MAGI1: variants seen among roughly 807,000 people sequenced by gnomAD.
MAGI1 encodes membrane-associated guanylate kinase, WW and PDZ domain-containing protein 1.
Under a neutral mutation model 139.9 loss-of-function variants are expected in MAGI1, and 58 were observed. The observed-to-expected ratio is 0.41, with a 90% CI of 0.34 to 0.52. The LOEUF (loss-of-function observed/expected upper bound fraction) is 0.52, where lower values mean the gene tolerates loss of function less well. MAGI1 is among the 20% of genes least tolerant of loss of function. The pLI is 0.12. For synonymous variants in MAGI1, 812 were observed against 737.9 expected (o/e 1.10, Z -1.63); for missense variants, 1,874 against 1,901.6 (o/e 0.99, Z 0.27).
Position 65,849,001 on chromosome 3 carries a change from C to CTTTT in MAGI1, c.313+188991_313+188994dup, listed in dbSNP as rs558270441. On this transcript the variant is annotated intron_variant, in intron 1 of 22. Coordinates refer to ENST00000402939, the MANE Select transcript of MAGI1 (RefSeq NM_001033057.2). The stretch of plus-strand genomic sequence containing the variant: ...GCAGCTCAAGACTATTCAGAGCATT[C>CTTTT]TTTTTTTTTTTTTTTTTTTTTTTTT... 5.0e-4 allele frequency among the ~76,000 whole-genome samples: 20 copies of CTTTT among 39,644 alleles called. 6 individuals are homozygous for CTTTT. Among genetic ancestry groups the CTTTT allele is most frequent in the Non-Finnish European group, 7.4e-4 (16 of 21,510 alleles). The allele number at this position is 39,644 out of a possible 152,430, so 26.0% of individuals were successfully genotyped here. A position where few individuals can be genotyped will look rare whatever the true frequency, so the allele number is the denominator to read the frequency against.
intron 1 of MAGI1, among the ~76,000 whole-genome samples, chr3:65,632,169 T>C (rs1289075903): frequency 6.6e-6 from 1 of 152,242 alleles, no homozygotes. Context: ...TTAAAGGTTC[T>C]TGATAAATAC....
At chr3:65,734,693 A>T (rs2034559563) in intron 1 of MAGI1, among the ~76,000 whole-genome samples, 1 of 152,084 alleles carries the variant, frequency 6.6e-6, no homozygotes, top group Non-Finnish European at 1.5e-5. Context: ...ACACAAATAT[A>T]TGACTGCTGA....
intron 1 of MAGI1, among the ~76,000 whole-genome samples, chr3:65,692,760 G>C (rs1337199212): frequency 6.6e-6 from 1 of 152,102 alleles, no homozygotes; most frequent in Non-Finnish European, 1.5e-5. Context: ...ATGAGACTGA[G>C]TCTGTTACAA....
chr3:65,413,732 G>A (rs1559534092), intron 12 of MAGI1, among the ~76,000 whole-genome samples: 2 of 152,110 alleles, frequency 1.3e-5, no homozygotes, highest in Non-Finnish European at 2.9e-5. Context: ...GTACCAATTG[G>A]ATTTGCTTAA....
intron 1 of MAGI1, among the ~76,000 whole-genome samples, chr3:65,778,445 T>TAAAA (rs2038655677): frequency 8.5e-6 from 1 of 118,160 alleles, no homozygotes; most frequent in African/African-American, 3.3e-5. Flanking sequence ...AAAAAAAAAA[T>TAAAA]AAATAAATAA....
At chr3:65,860,205 A>G (rs2036075) in intron 1 of MAGI1, among the ~76,000 whole-genome samples, 39,652 of 151,906 alleles carry the variant, frequency 0.26, 5,420 homozygotes, top group Admixed American at 0.39. Flanking sequence ...CTAATCAGGT[A>G]TTTTTTCTAT....
At chr3:65,688,537 G>A in intron 1 of MAGI1, 1 of 404,858 alleles carries the variant, frequency 2.5e-6, no homozygotes, top group East Asian at 5.6e-5. Context: ...ACTGGTAGGT[G>A]CTACTGTGCT....
chr3:65,870,684 G>A (rs1234326126), intron 1 of MAGI1, among the ~76,000 whole-genome samples: 3 of 147,438 alleles, frequency 2.0e-5, no homozygotes, highest in Non-Finnish European at 3.0e-5. Context: ...GGAAAACTAG[G>A]ACTGTTCATA....
chr3:65,749,214 G>C (rs951279535), intron 1 of MAGI1, among the ~76,000 whole-genome samples: 1 of 152,172 alleles, frequency 6.6e-6, no homozygotes, highest in African/African-American at 2.4e-5. Context: ...GTTAAATGAA[G>C]AGAGTGCCCA....
intron 1 of MAGI1, among the ~76,000 whole-genome samples, chr3:65,945,190 A>C (rs919845607): frequency 2.0e-5 from 3 of 152,190 alleles, no homozygotes; most frequent in African/African-American, 7.2e-5. Flanking sequence ...GGGTGGACTC[A>C]AGAAACTGCA....
At chr3:65,696,085 A>G (rs78243752) in intron 1 of MAGI1, among the ~76,000 whole-genome samples, 354 of 152,300 alleles carry the variant, frequency 2.3e-3, no homozygotes, top group African/African-American at 8.1e-3. Flanking sequence ...AATGGGTTCC[A>G]GCTTCACTGG....
intron 1 of MAGI1, among the ~76,000 whole-genome samples, chr3:65,814,658 CTA>C (rs1340822427): frequency 6.6e-6 from 1 of 152,204 alleles, no homozygotes. Context: ...CCCCAGCAGA[CTA>C]TCTTTCCCTC....
chr3:65,461,632 G>A (rs1575838301), intron 5 of MAGI1, among the ~76,000 whole-genome samples: 1 of 151,820 alleles, frequency 6.6e-6, no homozygotes, highest in Middle Eastern at 3.4e-3. Context: ...GGGACTACAG[G>A]CGCCCGCCAC....
At chr3:65,627,483 A>ATATTTTTTTT (rs2084033810) in intron 1 of MAGI1, among the ~76,000 whole-genome samples, 1 of 31,790 alleles carries the variant, frequency 3.1e-5, no homozygotes, top group African/African-American at 9.2e-5. Flanking sequence ...ATATTTCTGT[A>ATATTTTTTTT]TCTTTTTTTT....
intron 1 of MAGI1, among the ~76,000 whole-genome samples, chr3:65,626,959 T>C (rs1429781754): frequency 1.3e-5 from 2 of 152,230 alleles, no homozygotes; most frequent in Non-Finnish European, 1.5e-5. Flanking sequence ...CAGTTTGTCA[T>C]AGCATCTTCA....
intron 1 of MAGI1, among the ~76,000 whole-genome samples, chr3:65,755,925 C>A (rs2036527905): frequency 6.6e-6 from 1 of 152,162 alleles, no homozygotes; most frequent in African/African-American, 2.4e-5. Flanking sequence ...AAATCAAAAT[C>A]TGTCATTTCT....
At chr3:65,699,273 T>C (rs1159117071) in intron 1 of MAGI1, among the ~76,000 whole-genome samples, 3 of 122,574 alleles carry the variant, frequency 2.4e-5, no homozygotes, top group African/African-American at 6.9e-5. Flanking sequence ...TTTTACACTG[T>C]TGGTGGGACT....
At chr3:65,720,397 T>G (rs578016871) in intron 1 of MAGI1, among the ~76,000 whole-genome samples, 59 of 152,182 alleles carry the variant, frequency 3.9e-4, no homozygotes, top group Non-Finnish European at 6.0e-4. Context: ...CCTGGAAGAC[T>G]TGGCTCTGTT....
chr3:65,450,754 T>C (rs927509019), intron 6 of MAGI1, among the ~76,000 whole-genome samples: 5 of 152,296 alleles, frequency 3.3e-5, no homozygotes, highest in African/African-American at 1.2e-4. Flanking sequence ...TTTTCTGAGA[T>C]AGGAAATAGA....
Sources: gnomAD v4.1 joint callset for allele counts (sites outside exome capture counted in the v4.1 genomes callset) on GRCh38, gnomAD v4.1.1 for gene constraint, MANE v1.5 for transcripts, NCBI Gene and HGNC (gene_info 2026-07-23, HGNC 2026-07-21) for gene names.